The following ZNF366 variants were observed in gnomAD, a reference collection of about 807,000 sequenced individuals.
ZNF366 encodes the protein zinc finger protein 366.
Under a neutral mutation model 47.2 loss-of-function variants are expected in ZNF366, and 20 were observed. The ratio of observed to expected loss-of-function variants is 0.42; its 90% CI spans 0.30 to 0.62. The LOEUF (loss-of-function observed/expected upper bound fraction) is 0.62, where lower values mean the gene tolerates loss of function less well. ZNF366 is among the 20% of genes least tolerant of loss of function. ZNF366 has a pLI of 0.16. For missense variants in ZNF366, 987 were observed against 976.3 expected (o/e 1.01, Z -0.15); for synonymous variants, 421 against 395.1 (o/e 1.07, Z -0.78).
intron 3 of ZNF366, among the ~76,000 whole-genome samples, chr5:72,448,512 A>C (rs555454376): frequency 1.3e-3 from 194 of 152,262 alleles, no homozygotes; most frequent in Non-Finnish European, 1.8e-3. Flanking sequence ...TGGCAGGAGG[A>C]ATGCAAACAG....
chr5:72,499,089 A>G (rs1319242846), intron 1 of ZNF366, among the ~76,000 whole-genome samples: 2 of 152,260 alleles, frequency 1.3e-5, no homozygotes, highest in African/African-American at 4.8e-5. Context: ...AAAATGATGC[A>G]GTTTTGAGCA....
chr5:72,448,015 C>G (rs1318684458), intron 3 of ZNF366, among the ~76,000 whole-genome samples: 1 of 152,142 alleles, frequency 6.6e-6, no homozygotes, highest in Non-Finnish European at 1.5e-5. Flanking sequence ...GTGCGTCTCC[C>G]AACACAACTC....
intron 1 of ZNF366, among the ~76,000 whole-genome samples, chr5:72,462,507 TTTTC>T (rs765498463): frequency 0.017 from 1,424 of 82,462 alleles, 34 homozygotes; most frequent in African/African-American, 0.055. Context: ...TCCTTGCCAG[TTTTC>T]TTTCTTTCTT....
intron 1 of ZNF366, among the ~76,000 whole-genome samples, chr5:72,469,129 T>C (rs1330992505): frequency 2.6e-5 from 4 of 152,132 alleles, no homozygotes; most frequent in Non-Finnish European, 4.4e-5. Context: ...TACCAGAAAA[T>C]ACGATGATCT....
chr5:72,447,352 G>T lies in ZNF366; in HGVS notation c.1590C>A (p.Ser530Arg). 6.2e-7 allele frequency: 1 copy of T among 1,614,232 alleles called. No homozygotes were observed. The highest frequency in any genetic ancestry group is 1.1e-5 in the South Asian group (1 of 91,086). The change falls in exon 4 of 5, where the codon AGC (serine) becomes AGA (arginine). Residue 530 changes from serine (S) to arginine (R), a missense_variant. Ser to Arg is a moderately radical substitution (Grantham distance 110, BLOSUM62 -1). This residue lies in a region of ZNF366 where 111 missense variants were observed against 180.5 expected (regional missense o/e 0.61). Transcript: ENST00000318442. Reference sequence around the variant, plus strand: ...GGCAATAGAGGCACTTGAAGGGTTTGCTGTCTGAGTGCAGGTGCATGTGGC... The same window carrying T: ...GGCAATAGAGGCACTTGAAGGGTTTTCTGTCTGAGTGCAGGTGCATGTGGC... ...LMGHMHLHSDSKPFKCLYCPS... is the reference protein window; with the variant it reads ...LMGHMHLHSDRKPFKCLYCPS...
At chr5:72,484,830 C>T (rs1446064689) in intron 1 of ZNF366, among the ~76,000 whole-genome samples, 1 of 152,150 alleles carries the variant, frequency 6.6e-6, no homozygotes, top group Non-Finnish European at 1.5e-5. Flanking sequence ...AGCTGATGTC[C>T]CCAAATGCAC....
At chr5:72,467,734 G>A (rs1743462663) in intron 1 of ZNF366, among the ~76,000 whole-genome samples, 1 of 152,166 alleles carries the variant, frequency 6.6e-6, no homozygotes, top group African/African-American at 2.4e-5. Context: ...ATTCCTTGAA[G>A]CTTTCCCATT....
At chr5:72,444,629 A>G (rs2112313181) in intron 4 of ZNF366, among the ~76,000 whole-genome samples, 1 of 152,274 alleles carries the variant, frequency 6.6e-6, no homozygotes, top group Middle Eastern at 3.4e-3. Context: ...TATCACAGTC[A>G]AACAATGAAA....
At chr5:72,506,501 T>G (rs2112362461) in intron 1 of ZNF366, among the ~76,000 whole-genome samples, 1 of 152,322 alleles carries the variant, frequency 6.6e-6, no homozygotes, top group Middle Eastern at 3.4e-3. Context: ...TGTAACTTAG[T>G]TTTTCCCTCC....
At chr5:72,462,547 CTTTT>C (rs71614477) in intron 1 of ZNF366, among the ~76,000 whole-genome samples, 5 of 78,916 alleles carry the variant, frequency 6.3e-5, no homozygotes, top group Admixed American at 2.7e-4. Flanking sequence ...TTCTTTCTTT[CTTTT>C]TTTTTTTTTT....
At chr5:72,470,519 G>A (rs1237379394) in intron 1 of ZNF366, among the ~76,000 whole-genome samples, 1 of 152,150 alleles carries the variant, frequency 6.6e-6, no homozygotes, top group Non-Finnish European at 1.5e-5. Flanking sequence ...CATTGGCAGG[G>A]TCCTGTGCTG....
intron 1 of ZNF366, among the ~76,000 whole-genome samples, chr5:72,469,081 T>C (rs1164129627): frequency 6.6e-6 from 1 of 152,218 alleles, no homozygotes; most frequent in Non-Finnish European, 1.5e-5. Context: ...GACAGCATAT[T>C]CAGTCTGGTG....
At chr5:72,454,973 C>T (rs111579622) in intron 3 of ZNF366, among the ~76,000 whole-genome samples, 1 of 93,294 alleles carries the variant, frequency 1.1e-5, no homozygotes, top group Non-Finnish European at 2.7e-5. Context: ...TGCTCTGCTT[C>T]CATCATCTTT....
Position 72,442,305 on chromosome 5 carries a change from C to T in ZNF366, c.*1451G>A, listed in dbSNP as rs927334877. On this transcript the variant is annotated 3_prime_UTR_variant, in exon 5 of 5. Transcript: ENST00000318442. ...CAGAAATGGTGAGTTCTATTTTAGT[C>T]CCCTCAATCTTCTCAATCTTGGCTG... The T allele has an allele frequency of 6.6e-6, 1 of 152,102 alleles. No individual in the cohort carries two copies. The highest frequency in any genetic ancestry group is 1.5e-5 in the Non-Finnish European group (1 of 68,022). 9.4% of individuals were successfully genotyped at this position (152,102 alleles called of 1,614,324 possible).
chr5:72,479,035 G>A (rs1229678534), intron 1 of ZNF366, among the ~76,000 whole-genome samples: 2 of 152,132 alleles, frequency 1.3e-5, no homozygotes, highest in Admixed American at 1.3e-4. Context: ...TTTCAAATGG[G>A]CTCTTCCTCC....
At chr5:72,460,121 C>G in intron 2 of ZNF366, 44 bp downstream of exon 2, 1 of 1,591,348 alleles carries the variant, frequency 6.3e-7, no homozygotes, top group Non-Finnish European at 8.6e-7. Context: ...GGCCCCGCTC[C>G]TCTTCCCAAG....
chr5:72,496,963 T>C (rs1025145801), intron 1 of ZNF366, among the ~76,000 whole-genome samples: 1 of 152,198 alleles, frequency 6.6e-6, no homozygotes, highest in Non-Finnish European at 1.5e-5. Context: ...TTGTGTCCAT[T>C]TTTAAATTGG....
chr5:72,490,375 T>C (rs2112350890), intron 1 of ZNF366, among the ~76,000 whole-genome samples: 1 of 152,172 alleles, frequency 6.6e-6, no homozygotes, highest in South Asian at 2.1e-4. Context: ...TTTGAAAATT[T>C]TGAGAATAAG....
At chr5:72,476,937 T>C (rs547981813) in intron 1 of ZNF366, among the ~76,000 whole-genome samples, 1 of 152,038 alleles carries the variant, frequency 6.6e-6, no homozygotes, top group Non-Finnish European at 1.5e-5. Context: ...CTGTGGGATT[T>C]TTTTTTTTCA....
Sources: allele counts gnomAD v4.1 joint callset (sites outside exome capture counted in the v4.1 genomes callset), GRCh38; gene constraint gnomAD v4.1.1; regional missense constraint gnomAD v4.1.1; transcripts MANE v1.5; gene names NCBI Gene and HGNC (gene_info 2026-07-23, HGNC 2026-07-21).